Variants in DLGAP2 observed in about 807,000 individuals in gnomAD.
The protein encoded by DLGAP2 is disks large-associated protein 2.
A neutral mutation model predicts 100.3 loss-of-function variants in DLGAP2; 26 were observed. The observed-to-expected ratio is 0.26, with a 90% confidence interval of 0.19 to 0.36. DLGAP2 has a LOEUF of 0.36. DLGAP2 is among the 10% of genes least tolerant of loss of function. DLGAP2 has a pLI of 1.00. For synonymous variants in DLGAP2, 886 were observed against 630.1 expected (o/e 1.41, Z -6.08); for missense variants, 1,858 against 1,453.2 (o/e 1.28, Z -4.53).
intron 2 of DLGAP2, among the ~76,000 whole-genome samples, chr8:1,146,430 T>C (rs765793376): frequency 1.3e-5 from 2 of 152,236 alleles, no homozygotes; most frequent in Non-Finnish European, 2.9e-5. Flanking sequence ...ATGGAATCTT[T>C]GATGATCAGA....
intron 3 of DLGAP2, among the ~76,000 whole-genome samples, chr8:1,338,626 AT>A (rs535911530): frequency 1.4e-4 from 21 of 152,276 alleles, no homozygotes; most frequent in Non-Finnish European, 2.4e-4. Context: ...TAAATTTTAT[AT>A]CTTAATTATG....
intron 2 of DLGAP2, among the ~76,000 whole-genome samples, chr8:1,142,920 C>T (rs1300443763): frequency 1.3e-5 from 2 of 152,176 alleles, no homozygotes; most frequent in African/African-American, 2.4e-5. Context: ...GGTCGTATCC[C>T]CTTCCTTTCA....
chr8:905,261 G>A (rs972900085), intron 1 of DLGAP2, among the ~76,000 whole-genome samples: 5 of 152,132 alleles, frequency 3.3e-5, no homozygotes, highest in African/African-American at 9.7e-5. Context: ...AGGGTGCAGT[G>A]AGTGGCTCTG....
chr8:1,515,187 C>A (rs1273013476), intron 4 of DLGAP2, among the ~76,000 whole-genome samples: 2 of 152,142 alleles, frequency 1.3e-5, no homozygotes, highest in Admixed American at 6.6e-5. Context: ...AGAGTTGTTG[C>A]ATTGATTCTT....
intron 3 of DLGAP2, among the ~76,000 whole-genome samples, chr8:1,418,806 C>G (rs949451254): frequency 2.6e-5 from 4 of 152,350 alleles, no homozygotes; most frequent in Admixed American, 2.6e-4. Flanking sequence ...TCAGACCCCG[C>G]AGGTTAAGGA....
At chr8:1,433,166 C>T (rs1351656729) in intron 3 of DLGAP2, among the ~76,000 whole-genome samples, 2 of 152,222 alleles carry the variant, frequency 1.3e-5, no homozygotes, top group Admixed American at 1.3e-4. Flanking sequence ...AAAGCCCCTC[C>T]AGGAACGTGC....
chr8:989,527 A>G (rs1185442211), intron 2 of DLGAP2, among the ~76,000 whole-genome samples: 1 of 152,106 alleles, frequency 6.6e-6, no homozygotes, highest in Non-Finnish European at 1.5e-5. Context: ...AGGCTTTGGT[A>G]CCAACTTTCT....
intron 5 of DLGAP2, among the ~76,000 whole-genome samples, chr8:1,557,090 G>C (rs537702041): frequency 1.3e-5 from 2 of 152,258 alleles, no homozygotes; most frequent in South Asian, 4.1e-4. Flanking sequence ...GGGGGATGTT[G>C]AGCAGCATTT....
At chr8:1,088,613 G>A in intron 2 of DLGAP2, among the ~76,000 whole-genome samples, 1 of 152,220 alleles carries the variant, frequency 6.6e-6, no homozygotes, top group East Asian at 1.9e-4. Context: ...AGGCAAACAG[G>A]CAGAAGAACG....
intron 3 of DLGAP2, among the ~76,000 whole-genome samples, chr8:1,333,529 C>A (rs1034554927): frequency 1.3e-5 from 2 of 152,148 alleles, no homozygotes; most frequent in African/African-American, 2.4e-5. Context: ...GTTTCTCCTC[C>A]CGTGAGTCCT....
At chr8:1,091,219 AC>A (rs1222484365) in intron 2 of DLGAP2, among the ~76,000 whole-genome samples, 1 of 152,118 alleles carries the variant, frequency 6.6e-6, no homozygotes, top group African/African-American at 2.4e-5. Context: ...TACTGGAAGC[AC>A]CCGGTCAGTC....
intron 3 of DLGAP2, among the ~76,000 whole-genome samples, chr8:1,494,053 G>T (rs1396917262): frequency 2.0e-5 from 3 of 152,104 alleles, no homozygotes; most frequent in African/African-American, 7.2e-5. Flanking sequence ...GGGGGGGGCA[G>T]TAGGATGAAC....
intron 2 of DLGAP2, among the ~76,000 whole-genome samples, chr8:1,036,630 C>T (rs965311861): frequency 6.6e-6 from 1 of 152,084 alleles, no homozygotes; most frequent in Non-Finnish European, 1.5e-5. Flanking sequence ...GCTATAGAGA[C>T]CAGTGCTTGG....
At chr8:1,663,177 G>A (rs550542033) in intron 8 of DLGAP2, among the ~76,000 whole-genome samples, 2 of 147,366 alleles carry the variant, frequency 1.4e-5, no homozygotes, top group South Asian at 2.2e-4. Flanking sequence ...GTGTGTACAC[G>A]TGTGAGTGTG....
At chr8:1,529,577 G>C (rs1488679801) in intron 4 of DLGAP2, among the ~76,000 whole-genome samples, 1 of 152,188 alleles carries the variant, frequency 6.6e-6, no homozygotes, top group Non-Finnish European at 1.5e-5. Context: ...GAGTCACCAG[G>C]TGCTGTCAAA....
chr8:1,569,189 A>G (rs564626075), intron 6 of DLGAP2, among the ~76,000 whole-genome samples: 5 of 147,212 alleles, frequency 3.4e-5, no homozygotes, highest in South Asian at 2.2e-4. Flanking sequence ...CACTCTGCCT[A>G]TGGCCCCCAT....
intron 2 of DLGAP2, among the ~76,000 whole-genome samples, chr8:1,067,811 C>T (rs1483545941): frequency 1.3e-5 from 2 of 151,958 alleles, no homozygotes; most frequent in East Asian, 1.9e-4. Context: ...ACGTCATCCT[C>T]ACCCGGAGTC....
chr8:1,694,582 G>A (rs527736499), intron 13 of DLGAP2, among the ~76,000 whole-genome samples: 4 of 152,286 alleles, frequency 2.6e-5, no homozygotes, highest in African/African-American at 7.2e-5. Flanking sequence ...TGTGGGACCA[G>A]CAGTTTGGTG....
intron 2 of DLGAP2, among the ~76,000 whole-genome samples, chr8:986,767 C>T (rs1435949436): frequency 6.6e-6 from 1 of 150,948 alleles, no homozygotes; most frequent in Non-Finnish European, 1.5e-5. Flanking sequence ...TCAAGTGATT[C>T]TCCTGCCTAA....
Sources: allele counts gnomAD v4.1 joint callset (sites outside exome capture counted in the v4.1 genomes callset), GRCh38; gene constraint gnomAD v4.1.1; transcripts MANE v1.5; gene names NCBI Gene and HGNC (gene_info 2026-07-23, HGNC 2026-07-21).